CEP128: variants seen among roughly 807,000 people sequenced by gnomAD.
The protein encoded by CEP128 is centrosomal protein 128, also known as centrosomal protein 128kDa.
A neutral mutation model predicts 156.7 loss-of-function variants in CEP128; 132 were observed. That is an observed-to-expected ratio of 0.84 (90% CI 0.73 to 0.97). CEP128 has a LOEUF of 0.97. Ranked by LOEUF, CEP128 falls within the 50% of genes least tolerant of loss-of-function variation. The probability of loss-of-function intolerance (pLI) is 0.00; values close to 1 mark genes in which losing one functional copy is unlikely to be tolerated. For synonymous variants in CEP128, 469 were observed against 448.9 expected, an observed-to-expected ratio of 1.04 and a Z score of -0.57; for missense variants, 1,252 against 1,281.9, an observed-to-expected ratio of 0.98 and a Z score of 0.36.
chr14:80,488,788 G>T (rs1887229715), downstream of CEP128, among the ~76,000 whole-genome samples: 1 of 139,668 alleles, frequency 7.2e-6, no homozygotes. Context: ...TACACACCAT[G>T]GAATACTATG....
intron 14 of CEP128, among the ~76,000 whole-genome samples, chr14:80,787,269 A>G (rs1901458548): frequency 6.6e-6 from 1 of 152,160 alleles, no homozygotes; most frequent in Non-Finnish European, 1.5e-5. Context: ...TTCTGATACA[A>G]CTTGTTTCCA....
At chr14:80,933,499 G>T (rs1053787571) in intron 2 of CEP128, among the ~76,000 whole-genome samples, 2 of 152,126 alleles carry the variant, frequency 1.3e-5, no homozygotes, top group Admixed American at 6.6e-5. Flanking sequence ...CTGCCCAACT[G>T]TGAGCCTCTG....
intron 19 of CEP128, among the ~76,000 whole-genome samples, chr14:80,618,660 A>C (rs1362756772): frequency 1.3e-5 from 2 of 152,234 alleles, no homozygotes; most frequent in African/African-American, 2.4e-5. Context: ...TTTAATATCC[A>C]CTAAGTGACA....
intron 19 of CEP128, among the ~76,000 whole-genome samples, chr14:80,615,883 A>G (rs1035864180): frequency 4.5e-5 from 3 of 66,228 alleles, no homozygotes; most frequent in Non-Finnish European, 9.8e-5. Flanking sequence ...AAATAAATAA[A>G]TAAATAAATA....
intron 16 of CEP128, among the ~76,000 whole-genome samples, chr14:80,768,448 C>T (rs1273858006): frequency 2.6e-5 from 4 of 152,088 alleles, no homozygotes; most frequent in Admixed American, 2.6e-4. Context: ...ATGATTTCTA[C>T]TCTAAGATTG....
At chr14:80,695,191 A>C (rs1896850152) in intron 19 of CEP128, among the ~76,000 whole-genome samples, 1 of 152,034 alleles carries the variant, frequency 6.6e-6, no homozygotes, top group Non-Finnish European at 1.5e-5. Context: ...GTGGAACGAA[A>C]GAAATAGAAA....
intron 2 of CEP128, among the ~76,000 whole-genome samples, chr14:80,934,538 C>T (rs1198395986): frequency 6.6e-6 from 1 of 152,150 alleles, no homozygotes; most frequent in Non-Finnish European, 1.5e-5. Context: ...AACCTCAGGC[C>T]AATCTTACAA....
chr14:80,749,279 T>C (rs907963671), intron 18 of CEP128, among the ~76,000 whole-genome samples: 2 of 152,218 alleles, frequency 1.3e-5, no homozygotes, highest in Non-Finnish European at 2.9e-5. Context: ...ATCCCGTTGC[T>C]AGGTATATAC....
intron 9 of CEP128, among the ~76,000 whole-genome samples, chr14:80,844,012 CT>C (rs1191667085): frequency 6.6e-6 from 1 of 151,858 alleles, no homozygotes; most frequent in Non-Finnish European, 1.5e-5. Flanking sequence ...TTAACACATA[CT>C]TTTTTTGTCA....
At chr14:80,755,789 A>T (rs748634459) in intron 18 of CEP128, among the ~76,000 whole-genome samples, 2 of 152,194 alleles carry the variant, frequency 1.3e-5, no homozygotes, top group African/African-American at 2.4e-5. Flanking sequence ...TTTCTAGCAA[A>T]TAGATTCAAT....
At chr14:80,759,429 A>T (rs1312816009) in intron 17 of CEP128, among the ~76,000 whole-genome samples, 1 of 152,128 alleles carries the variant, frequency 6.6e-6, no homozygotes, top group Non-Finnish European at 1.5e-5. Context: ...ATTCTTCCAC[A>T]CTCTCTCAGA....
chr14:80,743,729 T>G (rs1898952394), intron 18 of CEP128, among the ~76,000 whole-genome samples: 1 of 152,228 alleles, frequency 6.6e-6, no homozygotes, highest in South Asian at 2.1e-4. Context: ...TAATTAGGCA[T>G]GAGGAGAGAT....
intron 19 of CEP128, among the ~76,000 whole-genome samples, chr14:80,623,306 T>G (rs1430572419): frequency 6.9e-6 from 1 of 144,730 alleles, no homozygotes; most frequent in Non-Finnish European, 1.5e-5. Flanking sequence ...CTGGGGACTG[T>G]TGTGGGGTGG....
At chr14:80,875,797 A>G (rs1158927218) in intron 8 of CEP128, among the ~76,000 whole-genome samples, 2 of 152,192 alleles carry the variant, frequency 1.3e-5, no homozygotes, top group Non-Finnish European at 2.9e-5. Context: ...GAATTTTAAA[A>G]TATGTTCTTA....
chr14:80,549,873 A>G (rs180913371), intron 21 of CEP128, among the ~76,000 whole-genome samples: 1 of 152,230 alleles, frequency 6.6e-6, no homozygotes, highest in East Asian at 1.9e-4. Flanking sequence ...AATTACAAAT[A>G]AAAACCCCAA....
At position 80,785,095 on chromosome 14, in the gene CEP128, G is replaced by T. The variant is rs746438697; in HGVS notation, c.2011C>A (p.Gln671Lys). The T allele has an allele frequency of 6.2e-7, 1 of 1,614,142 alleles. No homozygotes were observed. The highest frequency in any genetic ancestry group is 2.2e-5 in the East Asian group (1 of 44,884). The stretch of plus-strand genomic sequence containing the variant: ...GTTTCTTCATCCCTGGATTTTGCCT[G>T]TGCAGTGAGGTCAGAAAGGTCCTTA... ...VLKDLSDLTA[Q>K]AKSRDEETAT... Residue 671 changes from glutamine to lysine, a missense_variant, in exon 15 of 25, where the codon CAG (glutamine) becomes AAG (lysine). Transcript: ENST00000555265.
chr14:80,554,152 C>T (rs1336716148), intron 21 of CEP128, among the ~76,000 whole-genome samples: 1 of 152,142 alleles, frequency 6.6e-6, no homozygotes, highest in Admixed American at 6.6e-5. Flanking sequence ...TGTCACTATG[C>T]TATAAATTAC....
At chr14:80,556,077 T>C (rs1890423651) in intron 21 of CEP128, among the ~76,000 whole-genome samples, 1 of 146,878 alleles carries the variant, frequency 6.8e-6, no homozygotes, top group Non-Finnish European at 1.5e-5. Flanking sequence ...GTCCCATCCT[T>C]GGCCCATGAG....
chr14:80,931,708 C>T (rs944588818), intron 2 of CEP128, among the ~76,000 whole-genome samples: 7 of 152,152 alleles, frequency 4.6e-5, no homozygotes, highest in African/African-American at 7.2e-5. Flanking sequence ...CACGGGAAAA[C>T]GACAACTGTG....
Sources: allele counts gnomAD v4.1 joint callset (sites outside exome capture counted in the v4.1 genomes callset), GRCh38; gene constraint gnomAD v4.1.1; transcripts MANE v1.5; gene names NCBI Gene and HGNC (gene_info 2026-07-23, HGNC 2026-07-21).